FAAP20: variants seen among roughly 807,000 people sequenced by gnomAD.
FAAP20 encodes the protein Fanconi anemia core complex-associated protein 20.
A neutral mutation model predicts 16.2 loss-of-function variants in FAAP20; 12 were observed. The observed-to-expected ratio is 0.74, with a 90% CI of 0.48 to 1.20. FAAP20 has a LOEUF of 1.20. Among genes scored for constraint, FAAP20 ranks in the 50% most tolerant of loss-of-function variants. The pLI is 0.00. For synonymous variants in FAAP20, 141 were observed against 110.7 expected (o/e 1.27, Z -1.72); for missense variants, 288 against 245.8 (o/e 1.17, Z -1.15).
upstream of FAAP20, chr1:2,198,958 G>A (rs1205809512): frequency 7.8e-7 from 1 of 1,289,296 alleles, no homozygotes; most frequent in Non-Finnish European, 1.0e-6. Context: ...AGATCTTTGG[G>A]GCAGCAGAGC....
At position 2,194,698 on chromosome 1, in the gene FAAP20, G is replaced by A. The variant is rs1391476517; in HGVS notation, c.52C>T (p.Pro18Ser). Residue 18 changes from proline (P) to serine (S), a missense_variant, in exon 1 of 4, where the codon CCG (proline) becomes TCG (serine). Pro to Ser is a moderately conservative substitution (Grantham distance 74, BLOSUM62 -1). Transcript: ENST00000378546. ...GGCTCCCGGCCTCACCCGCCCGCCG[G>A]GCGCGGCCTCCGGCGGCTCAACCCC... ...RLGLSRRRPRPAGGPSGGRPW... is the reference protein window; with the variant it reads ...RLGLSRRRPRSAGGPSGGRPW... 31 of 1,168,572 alleles carry A rather than the reference G, an allele frequency of 2.7e-5. No individual in the cohort carries two copies. The highest frequency in any genetic ancestry group is 3.1e-5 in the Non-Finnish European group (29 of 949,782). 72.4% of individuals were successfully genotyped at this position (1,168,572 alleles called of 1,614,324 possible). A position where few individuals can be genotyped will look rare whatever the true frequency, so the allele number is the denominator to read the frequency against.
chr1:2,198,231 A>AC, upstream of FAAP20: 1 of 1,199,426 alleles, frequency 8.3e-7, no homozygotes, highest in Non-Finnish European at 1.1e-6. Flanking sequence ...TTACAAAAGA[A>AC]CGTTTCAGCT....
downstream of FAAP20, chr1:2,184,632 A>G: frequency 6.2e-7 from 1 of 1,614,078 alleles, no homozygotes; most frequent in Non-Finnish European, 8.5e-7. Flanking sequence ...ATCACAGACG[A>G]CTACGGTCTG....
chr1:2,194,576 G>C, intron 1 of FAAP20, 112 bp downstream of exon 1: 1 of 473,958 alleles, frequency 2.1e-6, no homozygotes, highest in Non-Finnish European at 3.0e-6. Flanking sequence ...GCCGGGCCCG[G>C]GGGCAGGGAG....
At chr1:2,185,567 CTGT>C (rs1321242438), downstream of FAAP20, 80 of 709,648 alleles carry the variant, frequency 1.1e-4, 2 homozygotes, top group South Asian at 1.1e-3. Context: ...CGGTAAGTTC[CTGT>C]TGTTCTTCCT....
upstream of FAAP20, chr1:2,198,021 C>T (rs1357073334): frequency 7.7e-7 from 1 of 1,290,806 alleles, no homozygotes; most frequent in East Asian, 5.6e-5. Context: ...TCCTGCCTGT[C>T]CTCAAGTTAT....
intron 3 of FAAP20, among the ~76,000 whole-genome samples, chr1:2,205,526 T>A (rs1294237339): frequency 6.6e-6 from 1 of 151,896 alleles, no homozygotes. Context: ...GGGGCGGCCG[T>A]GCAAGAGGCG....
intron 3 of FAAP20, among the ~76,000 whole-genome samples, chr1:2,205,935 CT>C (rs1419950439): frequency 6.6e-6 from 1 of 152,266 alleles, no homozygotes; most frequent in Non-Finnish European, 1.5e-5. Context: ...GTCTTCATTC[CT>C]TTTCGGTCTG....
upstream of FAAP20, chr1:2,200,930 A>G (rs1689025433): frequency 6.0e-6 from 7 of 1,159,848 alleles, no homozygotes; most frequent in Non-Finnish European, 7.6e-6. Context: ...TCGGCTCTGT[A>G]GAATCAGCTT....
chr1:2,203,574 G>C (rs922546897), upstream of FAAP20: 7 of 985,988 alleles, frequency 7.1e-6, no homozygotes, highest in African/African-American at 1.2e-4. Context: ...CTGGGGTGGA[G>C]CTGGGGCAGG....
At chr1:2,186,956 T>C, downstream of FAAP20, 1 of 275,508 alleles carries the variant, frequency 3.6e-6, no homozygotes, top group Non-Finnish European at 7.6e-6. Flanking sequence ...TAATTTGTTT[T>C]ATAAATTAAA....
In FAAP20 at chr1:2,194,699, G is replaced by C. The variant is rs1401886767; in HGVS notation, c.51C>G (p.Arg17=). The C allele has an allele frequency of 8.6e-7, 1 of 1,169,368 alleles. No individual in the cohort carries two copies. The highest frequency in any genetic ancestry group is 4.1e-5 in the South Asian group (1 of 24,476). The allele number at this position is 1,169,368 out of a possible 1,614,324, so 72.4% of individuals were successfully genotyped here. Residue 17 remains arginine, a synonymous_variant, in exon 1 of 4, where the codon CGC becomes CGG. Coordinates refer to ENST00000378546, the MANE Select transcript of FAAP20 (RefSeq NM_182533.4). Reference sequence around the variant, plus strand: ...GCTCCCGGCCTCACCCGCCCGCCGGGCGCGGCCTCCGGCGGCTCAACCCCA... The same window carrying C: ...GCTCCCGGCCTCACCCGCCCGCCGGCCGCGGCCTCCGGCGGCTCAACCCCA... The part of the protein sequence containing the change: ...PRLGLSRRRP[R]PAGGPSGGRP...
chr1:2,202,010 C>G (rs992089334), upstream of FAAP20, among the ~76,000 whole-genome samples: 8 of 146,192 alleles, frequency 5.5e-5, no homozygotes, highest in African/African-American at 2.0e-4. Context: ...GAGCGAGACT[C>G]TGTCTCAAAA....
At chr1:2,198,153 A>G, upstream of FAAP20, 1 of 1,288,930 alleles carries the variant, frequency 7.8e-7, no homozygotes, top group Non-Finnish European at 1.0e-6. Context: ...CTTTATTGGA[A>G]AATAATTTCT....
At chr1:2,193,091 GC>G (rs757323268) in intron 3 of FAAP20, 1 of 1,086,568 alleles carries the variant, frequency 9.2e-7, no homozygotes, top group Non-Finnish European at 1.2e-6. Flanking sequence ...CACCACCCCA[GC>G]CCCAGGACCT....
At chr1:2,194,200 G>A in intron 1 of FAAP20, 67 bp from the exon 2 acceptor site, 8 of 1,585,088 alleles carry the variant, frequency 5.0e-6, no homozygotes, top group Non-Finnish European at 6.0e-6. Context: ...GGGAGACCCG[G>A]GAGGGCCTGG....
chr1:2,198,794 A>G, upstream of FAAP20: 2 of 1,289,438 alleles, frequency 1.6e-6, no homozygotes, highest in Non-Finnish European at 2.0e-6. Flanking sequence ...CAGCCTTCTG[A>G]CGCAGCCAGG....
chr1:2,198,300 C>T, upstream of FAAP20: 2 of 647,992 alleles, frequency 3.1e-6, no homozygotes, highest in Non-Finnish European at 4.5e-6. Context: ...GGCATCAGAG[C>T]CACCCATCTC....
At chr1:2,205,700 G>A (rs1278190075) in intron 3 of FAAP20, among the ~76,000 whole-genome samples, 1 of 152,230 alleles carries the variant, frequency 6.6e-6, no homozygotes, top group Non-Finnish European at 1.5e-5. Flanking sequence ...TCCGGGCCGG[G>A]CGTTCTGCGG....
Sources: gnomAD v4.1 joint callset for allele counts (sites outside exome capture counted in the v4.1 genomes callset) on GRCh38, gnomAD v4.1.1 for gene constraint, MANE v1.5 for transcripts, NCBI Gene and HGNC (gene_info 2026-07-23, HGNC 2026-07-21) for gene names.